Variants in PRKAR1A observed in about 807,000 individuals in gnomAD.
PRKAR1A encodes the protein cAMP-dependent protein kinase type I-alpha regulatory subunit.
A neutral mutation model predicts 52.0 loss-of-function variants in PRKAR1A; 3 were observed. The observed-to-expected ratio is 0.06, with a 90% CI of 0.03 to 0.15. The LOEUF is 0.15. Ranked by LOEUF, PRKAR1A falls within the 10% of genes least tolerant of loss-of-function variation. The pLI is 1.00. For missense variants in PRKAR1A, 240 were observed against 477.4 expected (o/e 0.50, Z 4.63); for synonymous variants, 188 against 168.4 (o/e 1.12, Z -0.90).
At chr17:68,457,217 G>T in the PRKAR1A span, 1 of 1,165,626 alleles carries the variant, frequency 8.6e-7, no homozygotes, top group Non-Finnish European at 1.2e-6. Flanking sequence ...TGCGTCCGAA[G>T]CAGACACCGG....
chr17:68,497,415 G>A, the PRKAR1A span, among the ~76,000 whole-genome samples: 1 of 152,134 alleles, frequency 6.6e-6, no homozygotes, highest in Non-Finnish European at 1.5e-5. Context: ...TGTGATTGTG[G>A]GAATATGCTG....
At chr17:68,539,918 T>A in intron 11 of PRKAR1A, 1 of 1,614,150 alleles carries the variant, frequency 6.2e-7, no homozygotes, top group Non-Finnish European at 8.5e-7. Context: ...AAGGAACCCA[T>A]CATCCCCGAA....
At chr17:68,524,218 ATTTC>A (rs746719812) in intron 5 of PRKAR1A, 141 bp downstream of exon 5, 25 of 757,414 alleles carry the variant, frequency 3.3e-5, no homozygotes, top group Middle Eastern at 5.8e-4. Flanking sequence ...GGATTTTTCT[ATTTC>A]TTTTAAATTA....
chr17:68,550,372 T>TTTC (rs2086779240), intron 11 of PRKAR1A, among the ~76,000 whole-genome samples: 1 of 127,114 alleles, frequency 7.9e-6, no homozygotes, highest in East Asian at 2.3e-4. Context: ...GGGGGAACTT[T>TTTC]TTTTTTTTTT....
the PRKAR1A span, chr17:68,450,839 T>C: frequency 1.2e-6 from 2 of 1,614,206 alleles, no homozygotes; most frequent in East Asian, 2.2e-5. Context: ...TGTGACTGAC[T>C]ACCACCACCA....
At chr17:68,526,712 G>A (rs186223104) in intron 7 of PRKAR1A, among the ~76,000 whole-genome samples, 1 of 152,118 alleles carries the variant, frequency 6.6e-6, no homozygotes, top group African/African-American at 2.4e-5. Context: ...TGGGAGCTAA[G>A]CAATGAGAAC....
At chr17:68,422,821 T>C in the PRKAR1A span, 1 of 150,282 alleles carries the variant, frequency 6.7e-6, no homozygotes, top group Non-Finnish European at 1.5e-5. Flanking sequence ...GGGACTAGTC[T>C]CACAAAATAC....
chr17:68,543,550 C>T (rs1204953923), intron 11 of PRKAR1A: 2 of 1,274,318 alleles, frequency 1.6e-6, no homozygotes, highest in South Asian at 1.2e-5. Flanking sequence ...GGAGTTCCCA[C>T]CTTGAGGGTC....
the PRKAR1A span, chr17:68,436,519 A>C: frequency 6.3e-7 from 1 of 1,589,822 alleles, no homozygotes; most frequent in Non-Finnish European, 8.6e-7. Flanking sequence ...CCTGGGGCCA[A>C]GGGAGAGATT....
At chr17:68,550,949 C>G in intron 11 of PRKAR1A, 1 of 683,804 alleles carries the variant, frequency 1.5e-6, no homozygotes, top group East Asian at 3.4e-5. Flanking sequence ...CTGGGGCTCT[C>G]AATGGGCCTC....
chr17:68,421,402 T>C, the PRKAR1A span: 1 of 228,524 alleles, frequency 4.4e-6, no homozygotes, highest in African/African-American at 2.2e-5. Flanking sequence ...AAGTATGTAA[T>C]ATACAAGAAA....
At chr17:68,511,591 A>T (rs2085265595), upstream of PRKAR1A, among the ~76,000 whole-genome samples, 3 of 152,060 alleles carry the variant, frequency 2.0e-5, no homozygotes, top group South Asian at 6.2e-4. Flanking sequence ...CTCCTCTTGG[A>T]CCCTGACAAA....
chr17:68,437,079 C>G, the PRKAR1A span, among the ~76,000 whole-genome samples: 3 of 150,252 alleles, frequency 2.0e-5, no homozygotes, highest in Non-Finnish European at 2.9e-5. Context: ...GACTCTGAAA[C>G]AGCATCTACT....
chr17:68,464,410 AC>A, the PRKAR1A span, among the ~76,000 whole-genome samples: 1 of 152,048 alleles, frequency 6.6e-6, no homozygotes, highest in Non-Finnish European at 1.5e-5. Flanking sequence ...TGATGTGCAC[AC>A]CCTCTTGCTG....
At chr17:68,454,334 A>C in the PRKAR1A span, among the ~76,000 whole-genome samples, 58 of 152,340 alleles carry the variant, frequency 3.8e-4, no homozygotes, top group Admixed American at 3.7e-3. Flanking sequence ...TAAAATAAGC[A>C]ACTTACTATT....
the PRKAR1A span, among the ~76,000 whole-genome samples, chr17:68,500,329 T>G: frequency 6.6e-6 from 1 of 152,188 alleles, no homozygotes; most frequent in East Asian, 1.9e-4. Context: ...AGTGAATAAG[T>G]CTCACGAGAT....
chr17:68,468,073 T>C, the PRKAR1A span, among the ~76,000 whole-genome samples: 1 of 152,154 alleles, frequency 6.6e-6, no homozygotes, highest in Non-Finnish European at 1.5e-5. Context: ...TTTATAGATA[T>C]ACATTTTTTT....
rs1415923686 is a variant in PRKAR1A at position 68,530,457 on chromosome 17, C to G, written c.*8C>G. On this transcript the variant is annotated 3_prime_UTR_variant, in exon 11 of 11. Transcript: ENST00000589228. The stretch of plus-strand genomic sequence containing the variant: ...GTGTCACTGTCTGTCTGAAATCTGC[C>G]TCCTGTGCCTCCCTTTTCTCCTCTC... 1.2e-6 allele frequency: 2 copies of G among 1,613,904 alleles called. No individual in the cohort carries two copies. The highest frequency in any genetic ancestry group is 8.5e-7 in the Non-Finnish European group (1 of 1,179,916).
the PRKAR1A span, among the ~76,000 whole-genome samples, chr17:68,461,348 A>T: frequency 1.3e-5 from 2 of 152,346 alleles, no homozygotes; most frequent in South Asian, 4.1e-4. The surrounding 1 kb of genome is among the most constrained non-coding windows in gnomAD (Gnocchi z 4.6). Context: ...TGCAGGCCAC[A>T]GTTCATCTAA....
Sources: allele counts gnomAD v4.1 joint callset (sites outside exome capture counted in the v4.1 genomes callset), GRCh38; gene constraint gnomAD v4.1.1; non-coding constraint Gnocchi (gnomAD v3.1); transcripts MANE v1.5; gene names NCBI Gene and HGNC (gene_info 2026-07-23, HGNC 2026-07-21).